Variants in NUP98 observed in about 807,000 individuals in gnomAD.
NUP98 encodes nuclear pore complex protein Nup98-Nup96.
NUP98 carries 26 observed loss-of-function variants against 191.9 expected under a neutral mutation model. The observed-to-expected ratio is 0.14, with a 90% CI of 0.10 to 0.19. NUP98 has a LOEUF of 0.19. Among genes scored for constraint, NUP98 ranks in the 10% least tolerant of loss-of-function variants. The pLI is 1.00. For missense variants in NUP98, 1,941 were observed against 2,178.8 expected (o/e 0.89, Z 2.17); for synonymous variants, 808 against 778.4 (o/e 1.04, Z -0.63).
intron 1 of NUP98, among the ~76,000 whole-genome samples, chr11:3,783,077 A>C (rs2082028827): frequency 6.6e-6 from 1 of 152,172 alleles, no homozygotes; most frequent in Non-Finnish European, 1.5e-5. Flanking sequence ...CTAAGATTAC[A>C]GAAAAACCTT....
Position 3,676,281 on chromosome 11 carries a change from C to T in NUP98, c.5281G>A (p.Val1761Ile). ...TSDSTPDPQR[V>I]PLRLLAPHIG... ...TGGGGAGCCAAGAGGCGCAAAGGGA[C>T]TCGCTGAGGGTCTGGTGTTGAGTCG... is the stretch of plus-strand genomic sequence containing the variant. The change falls in exon 33 of 33, where the codon GTC (valine) becomes ATC (isoleucine). Residue 1761 changes from valine (V) to isoleucine (I), a missense_variant. Physicochemically the swap from Val to Ile is conservative, Grantham distance 29. Transcript: ENST00000324932. The T allele has an allele frequency of 1.9e-6, 3 of 1,614,162 alleles. No homozygotes were observed. Among genetic ancestry groups the T allele is most frequent in the Non-Finnish European group, 2.5e-6 (3 of 1,180,046 alleles).
At chr11:3,796,444 G>A (rs1357935515) in intron 1 of NUP98, among the ~76,000 whole-genome samples, 2 of 152,180 alleles carry the variant, frequency 1.3e-5, no homozygotes, top group Non-Finnish European at 1.5e-5. Context: ...ATTTGTTTCC[G>A]ATACATAACA....
chr11:3,785,675 C>G (rs1451607355), intron 1 of NUP98, among the ~76,000 whole-genome samples: 1 of 152,148 alleles, frequency 6.6e-6, no homozygotes, highest in African/African-American at 2.4e-5. Context: ...AGGAGAATCA[C>G]TTGAACTCAG....
intron 12 of NUP98, among the ~76,000 whole-genome samples, chr11:3,739,553 T>A (rs1463645139): frequency 6.6e-6 from 1 of 152,180 alleles, no homozygotes; most frequent in Admixed American, 6.6e-5. Context: ...GGCCTATTTT[T>A]AATGATAAAG....
At chr11:3,795,989 T>C (rs1336439469) in intron 1 of NUP98, among the ~76,000 whole-genome samples, 1 of 152,208 alleles carries the variant, frequency 6.6e-6, no homozygotes, top group Admixed American at 6.5e-5. Flanking sequence ...AAGAATAATT[T>C]TACCCAAGTA....
intron 1 of NUP98, among the ~76,000 whole-genome samples, chr11:3,791,110 T>A (rs552334574): frequency 2.0e-5 from 3 of 151,992 alleles, no homozygotes; most frequent in African/African-American, 4.8e-5. Flanking sequence ...TTAGCCAGGA[T>A]GGTCTCGATC....
In NUP98 at chr11:3,797,383, T is replaced by C. The variant is rs1236164584; in HGVS notation, c.-29+17A>G. The stretch of plus-strand genomic sequence containing the variant: ...ACCTGCCGGTCTCGGCCGCTGCAGC[T>C]CGGGCTCCCGACTTACCGCGGTTCG... On this transcript the variant is annotated intron_variant, in intron 1 of 32. Transcript: ENST00000324932. 2.5e-6 allele frequency: 1 copy of C among 401,962 alleles called. No individual in the cohort carries two copies. The highest frequency in any genetic ancestry group is 4.4e-6 in the Non-Finnish European group (1 of 227,884). The allele number at this position is 401,962 out of a possible 1,614,324, so 24.9% of individuals were successfully genotyped here.
intron 20 of NUP98, among the ~76,000 whole-genome samples, chr11:3,709,998 CAAAAAA>C (rs71466124): frequency 0.079 from 7,490 of 94,448 alleles, 256 homozygotes; most frequent in Middle Eastern, 0.15. Flanking sequence ...AAAAAGTTTA[CAAAAAA>C]AAAAAAAAAG....
In NUP98 at chr11:3,733,843, C is replaced by T. The variant is rs538815780; in HGVS notation, c.1542+1348G>A. Reference sequence around the variant, plus strand: ...CACTGGATAGCAACCTTAATAAATTCTTGTTTATTTTCATTTTGTATCCTC... The same window carrying T: ...CACTGGATAGCAACCTTAATAAATTTTTGTTTATTTTCATTTTGTATCCTC... On this transcript the variant is annotated intron_variant, in intron 13 of 32. Coordinates refer to ENST00000324932, the MANE Select transcript of NUP98 (RefSeq NM_016320.5). Among the ~76,000 whole-genome samples, 5 of 152,248 alleles carry T rather than the reference C, an allele frequency of 3.3e-5. No homozygotes were observed. In the South Asian group the frequency reaches 1.0e-3, roughly 32 times the overall value.
At position 3,702,731 on chromosome 11, in the gene NUP98, T is replaced by C; in HGVS notation, c.3244A>G (p.Ser1082Gly). ...PPLTSVFTMPSPAPEVPLKTV... is the reference protein window; with the variant it reads ...PPLTSVFTMPGPAPEVPLKTV... Reference sequence around the variant, plus strand: ...TTCAACGGAACCTCAGGGGCTGGGCTGGGCATTGTGAACACAGAAGTCAGG... The same window carrying C: ...TTCAACGGAACCTCAGGGGCTGGGCCGGGCATTGTGAACACAGAAGTCAGG... Residue 1082 changes from serine (S) to glycine (G), a missense_variant, in exon 23 of 33, where the codon AGC (serine) becomes GGC (glycine). Physicochemically the swap from Ser to Gly is moderately conservative, Grantham distance 56 (BLOSUM62 0). Around this residue, in one of 6 missense-constraint regions of NUP98, gnomAD observed 1,030 missense variants for 1,115.8 expected, o/e 0.92. Coordinates refer to ENST00000324932, the MANE Select transcript of NUP98 (RefSeq NM_016320.5). The C allele has an allele frequency of 6.2e-7, 1 of 1,614,152 alleles. No homozygotes were observed. The highest frequency in any genetic ancestry group is 8.5e-7 in the Non-Finnish European group (1 of 1,180,026).
At chr11:3,700,403 C>T (rs929470190) in intron 24 of NUP98, among the ~76,000 whole-genome samples, 1 of 151,714 alleles carries the variant, frequency 6.6e-6, no homozygotes, top group Non-Finnish European at 1.5e-5. Context: ...AGAATTTGTA[C>T]ATTAATGGGT....
At chr11:3,726,672 C>A (rs1029039880) in intron 14 of NUP98, among the ~76,000 whole-genome samples, 1 of 151,954 alleles carries the variant, frequency 6.6e-6, no homozygotes, top group African/African-American at 2.4e-5. Context: ...AATCCTCTAA[C>A]TCTTAAATAC....
intron 8 of NUP98, 126 bp downstream of exon 8, chr11:3,768,455 C>A (rs2081412041): frequency 3.7e-6 from 3 of 814,416 alleles, no homozygotes; most frequent in Non-Finnish European, 5.3e-6. Flanking sequence ...CTCTTCCCTT[C>A]ATTAAATACC....
chr11:3,697,008 T>C (rs186508440), intron 25 of NUP98: 2 of 152,244 alleles, frequency 1.3e-5, no homozygotes, highest in African/African-American at 4.8e-5. Context: ...TCCTACTACA[T>C]GTTGGTGTCC....
intron 8 of NUP98, among the ~76,000 whole-genome samples, chr11:3,765,527 T>C (rs1427147312): frequency 6.6e-6 from 1 of 152,158 alleles, no homozygotes; most frequent in Non-Finnish European, 1.5e-5. Context: ...TGGCCAGGCA[T>C]AGTGGCTCAC....
Position 3,769,597 on chromosome 11 carries a change from A to G in NUP98, c.785-853T>C, listed in dbSNP as rs542587023. Among the ~76,000 whole-genome samples, 522 of 145,854 alleles carry G rather than the reference A, an allele frequency of 3.6e-3. 2 individuals carry two copies. The highest frequency in any genetic ancestry group is 0.012 in the African/African-American group (484 of 39,150). ...TCTCAAAAAAAAAAAAAAAAAAAAA[A>G]GCATACTAAACTAAATCATGGAATA... On this transcript the variant is annotated intron_variant, in intron 7 of 32. Coordinates refer to ENST00000324932, the MANE Select transcript of NUP98 (RefSeq NM_016320.5).
chr11:3,767,708 CTTCT>C (rs567879437), intron 8 of NUP98, among the ~76,000 whole-genome samples: 6 of 151,906 alleles, frequency 3.9e-5, no homozygotes, highest in South Asian at 2.1e-4. Context: ...ACATCACTTC[CTTCT>C]TTAATTTCAT....
At chr11:3,692,849 C>A (rs1195376647) in intron 27 of NUP98, among the ~76,000 whole-genome samples, 1 of 152,138 alleles carries the variant, frequency 6.6e-6, no homozygotes, top group Non-Finnish European at 1.5e-5. Flanking sequence ...AATTCAAGAA[C>A]TGATGGCATA....
intron 1 of NUP98, among the ~76,000 whole-genome samples, chr11:3,789,033 T>TA (rs893422900): frequency 2.0e-5 from 3 of 151,984 alleles, no homozygotes; most frequent in East Asian, 1.9e-4. Context: ...GTTAAAAAAA[T>TA]AAAAAATTCC....
Sources: allele counts gnomAD v4.1 joint callset (sites outside exome capture counted in the v4.1 genomes callset), GRCh38; gene constraint gnomAD v4.1.1; regional missense constraint gnomAD v4.1.1; transcripts MANE v1.5; gene names NCBI Gene and HGNC (gene_info 2026-07-23, HGNC 2026-07-21).